Variants in NDST3 observed in about 807,000 individuals in gnomAD.
NDST3 encodes N-deacetylase and N-sulfotransferase 3.
A neutral mutation model predicts 96.1 loss-of-function variants in NDST3; 58 were observed. That is an observed-to-expected ratio of 0.60 (90% CI 0.49 to 0.75). The LOEUF (loss-of-function observed/expected upper bound fraction) is 0.75. Ranked by LOEUF, NDST3 falls within the 30% of genes least tolerant of loss-of-function variation. NDST3 has a pLI of 0.00. For missense variants in NDST3, 788 were observed against 1,034.2 expected, an observed-to-expected ratio of 0.76 and a Z score of 3.27; for synonymous variants, 333 against 359.7, an observed-to-expected ratio of 0.93 and a Z score of 0.84.
At chr4:118,170,953 C>A (rs1156229119) in intron 6 of NDST3, among the ~76,000 whole-genome samples, 1 of 152,158 alleles carries the variant, frequency 6.6e-6, no homozygotes, top group African/African-American at 2.4e-5. Flanking sequence ...GGCTGCTTAC[C>A]AAGGCCTGCA....
intron 5 of NDST3, among the ~76,000 whole-genome samples, chr4:118,142,413 G>T (rs1401203720): frequency 6.6e-6 from 1 of 150,534 alleles, no homozygotes; most frequent in Non-Finnish European, 1.5e-5. Context: ...AGGGCTAGAC[G>T]AAAATTTATT....
At chr4:118,062,574 T>G (rs945260489) in intron 2 of NDST3, among the ~76,000 whole-genome samples, 14 of 152,184 alleles carry the variant, frequency 9.2e-5, no homozygotes, top group African/African-American at 3.1e-4. Flanking sequence ...ATTATCACAT[T>G]CAAATAGCCA....
intron 6 of NDST3, among the ~76,000 whole-genome samples, chr4:118,205,338 A>G (rs1297684012): frequency 6.9e-6 from 1 of 144,738 alleles, no homozygotes; most frequent in African/African-American, 2.5e-5. Flanking sequence ...CATTGAGTTC[A>G]TATGCTAGAT....
At chr4:118,252,628 C>T (rs938761376) in intron 12 of NDST3, among the ~76,000 whole-genome samples, 3 of 152,118 alleles carry the variant, frequency 2.0e-5, no homozygotes, top group African/African-American at 7.2e-5. Flanking sequence ...CAGTGGCTCA[C>T]GCCTGTAATC....
chr4:118,053,168 A>C (rs1434751396), intron 1 of NDST3, among the ~76,000 whole-genome samples: 1 of 152,024 alleles, frequency 6.6e-6, no homozygotes, highest in African/African-American at 2.4e-5. Flanking sequence ...AACTATGAAA[A>C]TATGCAGTTC....
At chr4:118,094,298 G>T (rs1301174720) in intron 2 of NDST3, among the ~76,000 whole-genome samples, 1 of 151,794 alleles carries the variant, frequency 6.6e-6, no homozygotes, top group African/African-American at 2.4e-5. Flanking sequence ...CCCCCAACTT[G>T]CATCCAAAGA....
At chr4:118,127,984 AT>A (rs1732261470) in intron 4 of NDST3, among the ~76,000 whole-genome samples, 1 of 151,812 alleles carries the variant, frequency 6.6e-6, no homozygotes, top group Admixed American at 6.6e-5. Context: ...TGTTTTTTAC[AT>A]TGTTCACCAT....
intron 2 of NDST3, among the ~76,000 whole-genome samples, chr4:118,088,109 C>T (rs1728580438): frequency 6.6e-6 from 1 of 151,878 alleles, no homozygotes; most frequent in Non-Finnish European, 1.5e-5. Flanking sequence ...TTGTGAAATG[C>T]CAGTCAAGTA....
chr4:118,251,171 G>T (rs1741705127), intron 12 of NDST3, among the ~76,000 whole-genome samples: 1 of 131,404 alleles, frequency 7.6e-6, no homozygotes, highest in Non-Finnish European at 1.6e-5. Context: ...CTGTCACCCA[G>T]GCTGGAGTGC....
intron 8 of NDST3, 125 bp downstream of exon 8, chr4:118,227,107 G>A: frequency 1.5e-6 from 1 of 677,488 alleles, no homozygotes; most frequent in Non-Finnish European, 2.5e-6. Flanking sequence ...GTTTTTCTCT[G>A]ACATAATTTT....
chr4:118,210,148 G>T (rs764218886), intron 6 of NDST3, among the ~76,000 whole-genome samples: 7 of 152,098 alleles, frequency 4.6e-5, no homozygotes, highest in Non-Finnish European at 7.4e-5. Flanking sequence ...TGTGCTGTGT[G>T]TTGAGCATGA....
rs114629924 is a variant in NDST3 at position 118,186,234 on chromosome 4, T to C, written c.1540-38257T>C. 4.0e-3 allele frequency among the ~76,000 whole-genome samples: 616 copies of C among 152,286 alleles called. 6 individuals carry two copies. Among genetic ancestry groups the C allele is most frequent in the African/African-American group, 0.014 (595 of 41,564 alleles). ...TGGTCTGGTCTGCTGGGGCCTACTG[T>C]ACAAACTCAGTCTAAAACAATGGCT... On this transcript the variant is annotated intron_variant, in intron 6 of 13. Coordinates refer to ENST00000296499, the MANE Select transcript of NDST3 (RefSeq NM_004784.3).
intron 4 of NDST3, among the ~76,000 whole-genome samples, chr4:118,132,758 C>A (rs1291553851): frequency 6.6e-6 from 1 of 152,148 alleles, no homozygotes. Flanking sequence ...GGTCCGAGGG[C>A]TCTTTAATCA....
intron 4 of NDST3, among the ~76,000 whole-genome samples, chr4:118,132,221 A>T (rs1732690000): frequency 6.6e-6 from 1 of 152,170 alleles, no homozygotes; most frequent in South Asian, 2.1e-4. Context: ...AGTGAAAAAC[A>T]TTAGAAATTT....
intron 1 of NDST3, among the ~76,000 whole-genome samples, chr4:118,052,231 A>T (rs1462258878): frequency 6.6e-6 from 1 of 152,134 alleles, no homozygotes; most frequent in Non-Finnish European, 1.5e-5. Context: ...TGTCTTTTGT[A>T]GTAACATGGA....
At chr4:118,148,971 A>T (rs1734168767) in intron 6 of NDST3, among the ~76,000 whole-genome samples, 1 of 152,096 alleles carries the variant, frequency 6.6e-6, no homozygotes, top group East Asian at 1.9e-4. Context: ...CTTTCTACAT[A>T]TGGCTAGCCA....
At chr4:118,249,563 C>G (rs546386843) in intron 12 of NDST3, among the ~76,000 whole-genome samples, 73 of 152,098 alleles carry the variant, frequency 4.8e-4, no homozygotes, top group Non-Finnish European at 9.4e-4. Flanking sequence ...CCTGATCTGA[C>G]ACAATTGCTT....
chr4:118,235,276 G>A (rs1001161726), intron 9 of NDST3, among the ~76,000 whole-genome samples: 2 of 152,282 alleles, frequency 1.3e-5, no homozygotes, highest in East Asian at 3.9e-4. Context: ...TTCTATAAAT[G>A]TGAGCCTATT....
At chr4:118,067,118 A>G (rs1297684891) in intron 2 of NDST3, among the ~76,000 whole-genome samples, 2 of 151,210 alleles carry the variant, frequency 1.3e-5, no homozygotes, top group Non-Finnish European at 2.9e-5. Flanking sequence ...GTTGCTGCCA[A>G]TGGGGTAATG....
Sources: gnomAD v4.1 joint callset for allele counts (sites outside exome capture counted in the v4.1 genomes callset) on GRCh38, gnomAD v4.1.1 for gene constraint, MANE v1.5 for transcripts, NCBI Gene and HGNC (gene_info 2026-07-23, HGNC 2026-07-21) for gene names.